Variants in OR9Q1 observed in about 807,000 individuals in gnomAD.
OR9Q1 encodes the protein olfactory receptor 9Q1.
For synonymous variants in OR9Q1, 153 were observed against 148.6 expected (o/e 1.03, Z -0.22); for missense variants, 374 against 378.8 (o/e 0.99, Z 0.11).
rs532214550 is a variant in OR9Q1 at position 58,143,084 on chromosome 11, G to A, written c.-14-36347G>A. On this transcript the variant is annotated intron_variant, in intron 2 of 2. Transcript: ENST00000335397. ...ATCAGAAACAACCCTAAAGAAAGGTGGAGTTGATGTTGGAACTCCAGGTGG... is the reference window on the plus strand; with the variant it reads ...ATCAGAAACAACCCTAAAGAAAGGTAGAGTTGATGTTGGAACTCCAGGTGG... 3.9e-5 allele frequency among the ~76,000 whole-genome samples: 6 copies of A among 152,232 alleles called. No homozygotes were observed. The South Asian group carries it at 8.3e-4, about 21-fold the overall frequency.
chr11:58,082,163 G>T (rs1853593408), intron 2 of OR9Q1, among the ~76,000 whole-genome samples: 1 of 152,066 alleles, frequency 6.6e-6, no homozygotes, highest in South Asian at 2.1e-4. Context: ...CACTGTTGGT[G>T]GGACTGTAAA....
At chr11:58,086,518 A>G (rs1004217926) in intron 2 of OR9Q1, among the ~76,000 whole-genome samples, 4 of 142,296 alleles carry the variant, frequency 2.8e-5, no homozygotes, top group Admixed American at 2.8e-4. Context: ...ATATAACCAA[A>G]GGAATTGAAA....
At chr11:58,112,042 C>T (rs184372162) in intron 2 of OR9Q1, among the ~76,000 whole-genome samples, 2 of 151,916 alleles carry the variant, frequency 1.3e-5, no homozygotes, top group African/African-American at 4.8e-5. Flanking sequence ...AATCCCAGCA[C>T]TTTTGGAGGC....
chr11:58,031,313 G>T lies in OR9Q1; in HGVS notation c.-93+7209G>T, dbSNP rs771792414. Reference sequence around the variant, plus strand: ...GGCAACTGAGTGTTTCCTACTGGCTGCCATGGCCTATGATCGTTATGTGGC... The same window carrying T: ...GGCAACTGAGTGTTTCCTACTGGCTTCCATGGCCTATGATCGTTATGTGGC... On this transcript the variant is annotated intron_variant, in intron 1 of 2. Coordinates refer to ENST00000335397, the MANE Select transcript of OR9Q1 (RefSeq NM_001005212.4). 6 of 1,614,118 alleles carry T rather than the reference G, an allele frequency of 3.7e-6. No homozygotes were observed. In the South Asian group the frequency reaches 6.6e-5, roughly 18 times the overall value.
At position 58,094,290 on chromosome 11, in the gene OR9Q1, A is replaced by G. The variant is rs1465066864; in HGVS notation, c.-15+38343A>G. On this transcript the variant is annotated intron_variant, in intron 2 of 2. Transcript: ENST00000335397. Reference sequence around the variant, plus strand: ...GAATGATAGACATTGAGGACTTGGAAGGGTGGGTGTGGTGAGAGCAGAATG... The same window carrying G: ...GAATGATAGACATTGAGGACTTGGAGGGGTGGGTGTGGTGAGAGCAGAATG... Among the ~76,000 whole-genome samples the G allele has an allele frequency of 2.0e-5, 3 of 152,196 alleles. No individual in the cohort carries two copies. The East Asian group carries it at 5.8e-4, about 29-fold the overall frequency.
chr11:58,087,112 TATATA>T (rs1451513196), intron 2 of OR9Q1, among the ~76,000 whole-genome samples: 6 of 151,746 alleles, frequency 4.0e-5, no homozygotes, highest in African/African-American at 1.5e-4. Context: ...ACTCCAGAAA[TATATA>T]ATATATAAAT....
chr11:58,036,649 G>C (rs1370999703), intron 1 of OR9Q1, among the ~76,000 whole-genome samples: 1 of 152,190 alleles, frequency 6.6e-6, no homozygotes, highest in Non-Finnish European at 1.5e-5. Flanking sequence ...GGAATAAGTT[G>C]ATTCCAACCC....
chr11:58,076,115 C>T (rs1853536583), intron 2 of OR9Q1, among the ~76,000 whole-genome samples: 1 of 152,222 alleles, frequency 6.6e-6, no homozygotes, highest in Non-Finnish European at 1.5e-5. Context: ...AATGTTTACT[C>T]TCTGGCCCTT....
chr11:58,118,749 A>G (rs756920575), intron 2 of OR9Q1: 8 of 1,613,966 alleles, frequency 5.0e-6, no homozygotes, highest in Middle Eastern at 3.3e-4. Flanking sequence ...TGGCCCTGCC[A>G]CCTGAAGACT....
At chr11:58,059,564 C>T (rs1409509209) in intron 2 of OR9Q1, among the ~76,000 whole-genome samples, 5 of 151,392 alleles carry the variant, frequency 3.3e-5, no homozygotes, top group African/African-American at 4.9e-5. Flanking sequence ...GGTGTGGTGG[C>T]GCATGCCTGT....
At chr11:58,150,352 G>A (rs543303110) in intron 2 of OR9Q1, among the ~76,000 whole-genome samples, 10 of 152,156 alleles carry the variant, frequency 6.6e-5, no homozygotes, top group African/African-American at 1.9e-4. Flanking sequence ...CCCAGTGTTG[G>A]GGGAGAACCA....
chr11:58,108,967 C>A (rs1255138341), intron 2 of OR9Q1: 1 of 398,752 alleles, frequency 2.5e-6, no homozygotes, highest in South Asian at 1.9e-5. Flanking sequence ...GGCTTACCCA[C>A]CTGCCGACTT....
At chr11:58,094,906 A>G (rs1853716130) in intron 2 of OR9Q1, among the ~76,000 whole-genome samples, 1 of 152,232 alleles carries the variant, frequency 6.6e-6, no homozygotes, top group Non-Finnish European at 1.5e-5. Flanking sequence ...TTTATCTTCT[A>G]GTTTTCAAAT....
intron 2 of OR9Q1, among the ~76,000 whole-genome samples, chr11:58,074,166 A>C (rs1232226323): frequency 1.3e-5 from 2 of 152,172 alleles, no homozygotes; most frequent in Non-Finnish European, 2.9e-5. Flanking sequence ...ATGATTTATC[A>C]TCCTTTGGGT....
intron 2 of OR9Q1, among the ~76,000 whole-genome samples, chr11:58,074,781 T>C (rs1853523213): frequency 6.6e-6 from 1 of 152,192 alleles, no homozygotes; most frequent in South Asian, 2.1e-4. Flanking sequence ...TTAATTTTTG[T>C]ATAAGGTGTA....
At chr11:58,031,081 G>T (rs1367218703) in intron 1 of OR9Q1, 1 of 1,614,084 alleles carries the variant, frequency 6.2e-7, no homozygotes, top group African/African-American at 1.3e-5. Context: ...CCTTGGTGGA[G>T]AATTTGGCCA....
At chr11:58,105,318 C>G (rs975117067) in intron 2 of OR9Q1, among the ~76,000 whole-genome samples, 2 of 152,072 alleles carry the variant, frequency 1.3e-5, no homozygotes, top group African/African-American at 4.8e-5. Context: ...TCTGAAGCAG[C>G]AATTAATTTA....
chr11:58,159,771 C>T (rs1245682446), intron 2 of OR9Q1, among the ~76,000 whole-genome samples: 2 of 152,154 alleles, frequency 1.3e-5, no homozygotes, highest in African/African-American at 4.8e-5. Flanking sequence ...AAAATATTTT[C>T]TGGAGATAGA....
chr11:58,112,296 G>A (rs11229257), intron 2 of OR9Q1, among the ~76,000 whole-genome samples: 26,451 of 79,914 alleles, frequency 0.33, 2,451 homozygotes, highest in South Asian at 0.41. Flanking sequence ...TCGTCTCAAA[G>A]AAAAAAAAAA....
Sources: allele counts gnomAD v4.1 joint callset (sites outside exome capture counted in the v4.1 genomes callset), GRCh38; gene constraint gnomAD v4.1.1; transcripts MANE v1.5; gene names NCBI Gene and HGNC (gene_info 2026-07-23, HGNC 2026-07-21).